GKAP1: variants seen among roughly 807,000 people sequenced by gnomAD.
The protein encoded by GKAP1 is G kinase-anchoring protein 1.
Under a neutral mutation model 56.7 loss-of-function variants are expected in GKAP1, and 31 were observed. The ratio of observed to expected loss-of-function variants is 0.55; its 90% CI spans 0.41 to 0.74. GKAP1 has a LOEUF of 0.74. GKAP1 is among the 30% of genes least tolerant of loss of function. The pLI, the probability that GKAP1 is intolerant of heterozygous loss-of-function variation, is 0.00. For missense variants in GKAP1, 364 were observed against 402.3 expected (o/e 0.90, Z 0.82); for synonymous variants, 151 against 138.6 (o/e 1.09, Z -0.63).
At chr9:83,748,471 A>G (rs1485409231) in intron 9 of GKAP1, 99 bp from the exon 10 acceptor site, 3 of 650,732 alleles carry the variant, frequency 4.6e-6, no homozygotes, top group Non-Finnish European at 7.9e-6. Context: ...TGGCTTGCTC[A>G]AAGATATAAT....
intron 8 of GKAP1, among the ~76,000 whole-genome samples, chr9:83,764,468 G>C (rs1335865564): frequency 6.6e-6 from 1 of 152,062 alleles, no homozygotes; most frequent in Non-Finnish European, 1.5e-5. Context: ...ACCCAATCTC[G>C]GGTATTTCTT....
intron 3 of GKAP1, among the ~76,000 whole-genome samples, chr9:83,805,816 C>T (rs946933463): frequency 4.6e-5 from 7 of 152,118 alleles, no homozygotes; most frequent in South Asian, 2.1e-4. Flanking sequence ...TCAGAAAAAA[C>T]GTACTTTAAA....
intron 12 of GKAP1, among the ~76,000 whole-genome samples, chr9:83,741,148 A>T (rs934635407): frequency 6.6e-6 from 1 of 152,132 alleles, no homozygotes; most frequent in African/African-American, 2.4e-5. Flanking sequence ...TTAAAAATCC[A>T]AAACAACAAA....
chr9:83,745,496 C>T (rs1364097796), intron 10 of GKAP1, among the ~76,000 whole-genome samples: 1 of 152,150 alleles, frequency 6.6e-6, no homozygotes, highest in Non-Finnish European at 1.5e-5. Flanking sequence ...ACTGTTGTTA[C>T]TGATAGCGAT....
chr9:83,784,523 A>C (rs1356709713), intron 6 of GKAP1, among the ~76,000 whole-genome samples, 192 bp downstream of exon 6: 1 of 152,200 alleles, frequency 6.6e-6, no homozygotes, highest in Non-Finnish European at 1.5e-5. Context: ...ATTCATTATA[A>C]ATGACCCATT....
chr9:83,739,570 G>T lies in GKAP1; in HGVS notation c.*127C>A. 3.6e-6 allele frequency: 2 copies of T among 562,446 alleles called. No homozygotes were observed. The highest frequency in any genetic ancestry group is 1.9e-5 in the African/African-American group (1 of 53,192). 34.8% of individuals were successfully genotyped at this position (562,446 alleles called of 1,614,324 possible). On this transcript the variant is annotated 3_prime_UTR_variant, in exon 13 of 13. Coordinates refer to ENST00000376371, the MANE Select transcript of GKAP1 (RefSeq NM_025211.4). ...AGAAATAAAATTATAGACCATTAGG[G>T]AGCTAGTTGCTTTTAGTTCCTTCAA...
chr9:83,743,844 T>C (rs965991415), intron 10 of GKAP1, among the ~76,000 whole-genome samples: 4 of 152,160 alleles, frequency 2.6e-5, no homozygotes, highest in African/African-American at 4.8e-5. Flanking sequence ...TGGCCCTATG[T>C]TTCCTAAGCT....
intron 8 of GKAP1, among the ~76,000 whole-genome samples, chr9:83,760,643 C>T (rs1470669294): frequency 1.3e-5 from 2 of 151,996 alleles, no homozygotes; most frequent in African/African-American, 4.8e-5. Context: ...AAAACATTAA[C>T]AAAATTGAAG....
At chr9:83,808,578 G>A (rs371924857) in intron 2 of GKAP1, among the ~76,000 whole-genome samples, 5 of 152,004 alleles carry the variant, frequency 3.3e-5, no homozygotes, top group Non-Finnish European at 7.4e-5. Flanking sequence ...CCTGAGCAAC[G>A]GAGTCAGACT....
chr9:83,779,604 T>TACACGTGTATATGTGTATATATATAC (rs1943935156), intron 7 of GKAP1, among the ~76,000 whole-genome samples: 1 of 93,520 alleles, frequency 1.1e-5, no homozygotes, highest in Non-Finnish European at 2.2e-5. Flanking sequence ...TGTATATATA[T>TACACGTGTATATGTGTATATATATAC]ACACATATAC....
At chr9:83,813,724 C>G (rs138223543) in intron 2 of GKAP1, among the ~76,000 whole-genome samples, 1 of 152,204 alleles carries the variant, frequency 6.6e-6, no homozygotes, top group South Asian at 2.1e-4. Context: ...AATATGCAGG[C>G]AGTTCACCAT....
At chr9:83,795,417 T>TA (rs1174506759) in intron 4 of GKAP1, among the ~76,000 whole-genome samples, 1 of 152,068 alleles carries the variant, frequency 6.6e-6, no homozygotes, top group Non-Finnish European at 1.5e-5. Flanking sequence ...AGCTGCTACT[T>TA]AGAGTTAATT....
chr9:83,804,846 G>GA (rs1491345680), intron 3 of GKAP1, among the ~76,000 whole-genome samples: 2 of 40,920 alleles, frequency 4.9e-5, no homozygotes, highest in African/African-American at 6.3e-4. Context: ...GGAGGGAGGT[G>GA]GGGGGTCAGC....
intron 2 of GKAP1, among the ~76,000 whole-genome samples, chr9:83,813,424 T>C (rs565166158): frequency 9.8e-5 from 15 of 152,352 alleles, no homozygotes; most frequent in African/African-American, 3.6e-4. Context: ...ATTTTATTTA[T>C]ATTTTTCCCC....
At chr9:83,746,625 C>A (rs1943299345) in intron 10 of GKAP1, among the ~76,000 whole-genome samples, 2 of 152,082 alleles carry the variant, frequency 1.3e-5, no homozygotes, top group African/African-American at 4.8e-5. Context: ...ACAGTGTGAA[C>A]CTGGGAGGCG....
chr9:83,764,990 C>T (rs1460814297), intron 8 of GKAP1, among the ~76,000 whole-genome samples: 1 of 152,146 alleles, frequency 6.6e-6, no homozygotes, highest in Non-Finnish European at 1.5e-5. Context: ...TGCTAATCAC[C>T]AAGACAATGG....
chr9:83,815,468 C>T lies in GKAP1; in HGVS notation c.-44+1528G>A, dbSNP rs770714360. Among the ~76,000 whole-genome samples the T allele has an allele frequency of 9.4e-4, 142 of 151,818 alleles. 2 individuals are homozygous for T. Among genetic ancestry groups the T allele is most frequent in the Non-Finnish European group, 6.2e-4 (42 of 67,964 alleles). ...CTTGGCCTCTATCAAGGTTTGGAGG[C>T]ACATTGCCATTATGACCTTATCCCT... On this transcript the variant is annotated intron_variant, in intron 2 of 12. Coordinates refer to ENST00000376371, the MANE Select transcript of GKAP1 (RefSeq NM_025211.4).
intron 2 of GKAP1, among the ~76,000 whole-genome samples, 153 bp downstream of exon 2, chr9:83,816,843 G>A (rs547358439): frequency 6.6e-6 from 1 of 152,198 alleles, no homozygotes; most frequent in Admixed American, 6.5e-5. Context: ...TATTTTTGTC[G>A]TTACTGTTCA....
At chr9:83,805,776 A>G (rs1944430325) in intron 3 of GKAP1, among the ~76,000 whole-genome samples, 2 of 152,336 alleles carry the variant, frequency 1.3e-5, no homozygotes, top group Admixed American at 1.3e-4. Flanking sequence ...CCTATTTTAA[A>G]CTTTATGCAA....
Sources: allele counts gnomAD v4.1 joint callset (sites outside exome capture counted in the v4.1 genomes callset), GRCh38; gene constraint gnomAD v4.1.1; transcripts MANE v1.5; gene names NCBI Gene and HGNC (gene_info 2026-07-23, HGNC 2026-07-21).